CYTH1: variants seen among roughly 807,000 people sequenced by gnomAD.
The protein encoded by CYTH1 is cytohesin 1.
CYTH1 carries 18 observed loss-of-function variants against 61.8 expected under a neutral mutation model. That is an observed-to-expected ratio of 0.29 (90% CI 0.20 to 0.43). CYTH1 has a LOEUF of 0.43. CYTH1 is among the 20% of genes least tolerant of loss of function. CYTH1 has a pLI of 1.00. For missense variants in CYTH1, 336 were observed against 510.5 expected (o/e 0.66, Z 3.29); for synonymous variants, 174 against 184.3 (o/e 0.94, Z 0.45).
intron 1 of CYTH1, among the ~76,000 whole-genome samples, chr17:78,730,517 C>A (rs1468652991): frequency 1.3e-5 from 2 of 148,822 alleles, no homozygotes; most frequent in Non-Finnish European, 3.0e-5. Context: ...CCAGCCTGGG[C>A]GACAGCGAGA....
chr17:78,721,635 G>C, intron 1 of CYTH1, among the ~76,000 whole-genome samples: 1 of 152,184 alleles, frequency 6.6e-6, no homozygotes, highest in East Asian at 1.9e-4. Context: ...AGGCGATGCT[G>C]CCTGGGCTTT....
At chr17:78,739,812 G>T (rs2093335047) in intron 1 of CYTH1, among the ~76,000 whole-genome samples, 1 of 152,212 alleles carries the variant, frequency 6.6e-6, no homozygotes. Context: ...CCATATTCTT[G>T]CTATATTTAC....
At chr17:78,758,471 G>A (rs1282394366) in intron 1 of CYTH1, among the ~76,000 whole-genome samples, 5 of 152,150 alleles carry the variant, frequency 3.3e-5, no homozygotes, top group African/African-American at 9.7e-5. Flanking sequence ...TTGGGAGGCC[G>A]AGGCAGGCAG....
chr17:78,676,082 G>A lies in CYTH1; in HGVS notation c.*9C>T, dbSNP rs2092695088. ...AGGCCCCCGCAGACCAACGCCCTTG[G>A]CTGCACGCTCAGTGTCGCTTCGTGG... is the stretch of plus-strand genomic sequence containing the variant. On this transcript the variant is annotated 3_prime_UTR_variant, in exon 14 of 14. Coordinates refer to ENST00000446868, the MANE Select transcript of CYTH1 (RefSeq NM_004762.6). 6.2e-7 allele frequency: 1 copy of A among 1,604,050 alleles called. No individual in the cohort carries two copies. Among genetic ancestry groups the A allele is most frequent in the Non-Finnish European group, 8.5e-7 (1 of 1,175,450 alleles).
intron 13 of CYTH1, chr17:78,676,580 G>A (rs537992875): frequency 2.1e-5 from 6 of 281,576 alleles, no homozygotes; most frequent in East Asian, 2.1e-4. Context: ...CCTCTGGCAC[G>A]GGGTGTGTGA....
intron 1 of CYTH1, among the ~76,000 whole-genome samples, chr17:78,716,314 T>A (rs2093180231): frequency 6.6e-6 from 1 of 152,168 alleles, no homozygotes. Flanking sequence ...ATACTTGCTT[T>A]AAAATACATA....
rs1324897024 is a variant in CYTH1 at position 78,709,655 on chromosome 17, T to C, written c.100A>G (p.Ile34Val). 6.2e-7 allele frequency: 1 copy of C among 1,614,236 alleles called. No individual in the cohort carries two copies. Among genetic ancestry groups the C allele is most frequent in the Middle Eastern group, 1.6e-4 (1 of 6,062 alleles). The change falls in exon 2 of 14, where the codon ATT (isoleucine) becomes GTT (valine). Residue 34 changes from isoleucine (I) to valine (V), a missense_variant. Physicochemically the swap from Ile to Val is conservative, Grantham distance 29 (BLOSUM62 3). This residue lies in a region of CYTH1 where 112 missense variants were observed against 127.1 expected (regional missense o/e 0.88). Transcript: ENST00000446868. ...CCACCATGCCACTCTCCTACCTGAA[T>C]GTCAGCCAGCAGCTCCTGTTTTCTC... Reference protein sequence around the residue: ...RRRKQELLADIQRLKDEIAEV... With the variant: ...RRRKQELLADVQRLKDEIAEV...
rs1195359139 is a variant in CYTH1, at chr17:78,773,319, A to G, written c.22+8883T>C. Among the ~76,000 whole-genome samples, 2 of 152,076 alleles carry G rather than the reference A, an allele frequency of 1.3e-5. 1 individual carries two copies. The highest frequency in any genetic ancestry group is 1.3e-4 in the Admixed American group (2 of 15,262). ...ACCCTGCTCTATTTAATTAAAAGAA[A>G]AATTATAGTTTCAAAAAAAAAATCT... On this transcript the variant is annotated intron_variant, in intron 1 of 13. Transcript: ENST00000446868.
chr17:78,761,166 G>A (rs1484153517), intron 1 of CYTH1, among the ~76,000 whole-genome samples: 2 of 152,086 alleles, frequency 1.3e-5, no homozygotes, highest in Admixed American at 6.5e-5. Flanking sequence ...ACATAGCAAT[G>A]CTACAATAAA....
chr17:78,744,843 G>A (rs2093353736), intron 1 of CYTH1, among the ~76,000 whole-genome samples: 3 of 117,372 alleles, frequency 2.6e-5, no homozygotes, highest in African/African-American at 3.4e-5. Flanking sequence ...CCGATTAGAT[G>A]TCAAAAAAAA....
chr17:78,702,321 G>C, intron 4 of CYTH1, 81 bp from the exon 5 acceptor site: 1 of 1,187,630 alleles, frequency 8.4e-7, no homozygotes, highest in Non-Finnish European at 1.2e-6. Flanking sequence ...AGGAAGAAAT[G>C]GGTGTGGGTG....
intron 1 of CYTH1, among the ~76,000 whole-genome samples, chr17:78,775,269 G>T (rs977791489): frequency 1.4e-4 from 21 of 152,210 alleles, no homozygotes; most frequent in Non-Finnish European, 2.5e-4. Context: ...GAGGAGAGAT[G>T]GAAGGAAGTT....
Position 78,675,646 on chromosome 17 carries a change from A to T in CYTH1, c.*445T>A. 1 of 333,180 alleles carries T rather than the reference A, an allele frequency of 3.0e-6. No homozygotes were observed. The allele number at this position is 333,180 out of a possible 1,614,324, so 20.6% of individuals were successfully genotyped here. A position where few individuals can be genotyped will look rare whatever the true frequency, so the allele number is the denominator to read the frequency against. On this transcript the variant is annotated 3_prime_UTR_variant, in exon 14 of 14. Transcript: ENST00000446868. ...CGTTCTCTCTTAAAAAAAAAAAAAT[A>T]GATCTTTATAGTATGTGGCTTCTCT...
intron 1 of CYTH1, among the ~76,000 whole-genome samples, chr17:78,776,670 A>G (rs1027926354): frequency 6.6e-6 from 1 of 151,980 alleles, no homozygotes; most frequent in African/African-American, 2.4e-5. Context: ...AAAAAAAAAA[A>G]AAAAAAAAGT....
At position 78,757,013 on chromosome 17, in the gene CYTH1, G is replaced by C. The variant is rs1402917221; in HGVS notation, c.22+25189C>G. 7.0e-5 allele frequency among the ~76,000 whole-genome samples: 10 copies of C among 142,916 alleles called. No individual in the cohort carries two copies. The South Asian group carries it at 2.2e-3, about 31-fold the overall frequency. 93.8% of individuals were successfully genotyped at this position (142,916 alleles called of 152,430 possible). ...CTTTTTTTTTTTTTTTTTTGAGATG[G>C]AGTCTCGCTCTGTCGCCCAGGCTTC... On this transcript the variant is annotated intron_variant, in intron 1 of 13. Coordinates refer to ENST00000446868, the MANE Select transcript of CYTH1 (RefSeq NM_004762.6).
At chr17:78,760,491 A>ATG (rs2093422066) in intron 1 of CYTH1, among the ~76,000 whole-genome samples, 1 of 50,654 alleles carries the variant, frequency 2.0e-5, no homozygotes, top group African/African-American at 1.0e-4. Context: ...GTATGTATAT[A>ATG]TATATACATA....
chr17:78,703,503 TACTAAGTTGTGCA>T (rs1187573581), intron 3 of CYTH1, among the ~76,000 whole-genome samples: 1 of 152,006 alleles, frequency 6.6e-6, no homozygotes, highest in African/African-American at 2.4e-5. Context: ...TTAGTATACT[TACTAAGTTGTGCA>T]ACATCACCAT....
chr17:78,777,540 T>C (rs543246630), intron 1 of CYTH1, among the ~76,000 whole-genome samples: 1 of 152,302 alleles, frequency 6.6e-6, no homozygotes, highest in South Asian at 2.1e-4. Context: ...GTACTGGAAC[T>C]GAGAAAGCCT....
chr17:78,683,188 C>A (rs772198527), intron 11 of CYTH1, among the ~76,000 whole-genome samples: 1 of 151,900 alleles, frequency 6.6e-6, no homozygotes, highest in Non-Finnish European at 1.5e-5. Context: ...GTTCTTGTTT[C>A]GCAGCTGTGA....
Sources: gnomAD v4.1 joint callset for allele counts (sites outside exome capture counted in the v4.1 genomes callset) on GRCh38, gnomAD v4.1.1 for gene constraint, gnomAD v4.1.1 regional missense constraint, MANE v1.5 for transcripts, NCBI Gene and HGNC (gene_info 2026-07-23, HGNC 2026-07-21) for gene names.